Variants in ACSBG1 observed in about 807,000 individuals in gnomAD.
ACSBG1 encodes the protein long-chain-fatty-acid--CoA ligase ACSBG1.
Under a neutral mutation model 80.2 loss-of-function variants are expected in ACSBG1, and 39 were observed. The observed-to-expected ratio is 0.49, with a 90% CI of 0.38 to 0.64. The LOEUF (loss-of-function observed/expected upper bound fraction) is 0.64, where lower values mean the gene tolerates loss of function less well. Among genes scored for constraint, ACSBG1 ranks in the 30% least tolerant of loss-of-function variants. The pLI is 0.00. For missense variants in ACSBG1, 828 were observed against 966.4 expected (o/e 0.86, Z 1.90); for synonymous variants, 392 against 379.5 (o/e 1.03, Z -0.38).
rs28477078 is a variant in ACSBG1, at chr15:78,211,142, T to C, written c.132-3040A>G. 1.3e-3 allele frequency among the ~76,000 whole-genome samples: 204 copies of C among 152,372 alleles called. 1 individual carries two copies. The highest frequency in any genetic ancestry group is 4.8e-3 in the African/African-American group (200 of 41,598). ...GAAAAGAAGCTAAGGTTTGGGAAGCTGCCCCTACTCTGTCTTAACTCCTCA... is the reference window on the plus strand; with the variant it reads ...GAAAAGAAGCTAAGGTTTGGGAAGCCGCCCCTACTCTGTCTTAACTCCTCA... On this transcript the variant is annotated intron_variant, in intron 1 of 13. Transcript: ENST00000258873.
At chr15:78,227,218 CAAAAAAAAAAAA>C (rs56011241) in intron 1 of ACSBG1, among the ~76,000 whole-genome samples, 1 of 53,746 alleles carries the variant, frequency 1.9e-5, no homozygotes, top group Non-Finnish European at 3.4e-5. Flanking sequence ...GACCCTGTCT[CAAAAAAAAAAAA>C]AAAAAAAAAA....
In ACSBG1 at chr15:78,173,746, CTG is replaced by C. The variant is rs2074852828; in HGVS notation, c.1934_1935del (p.Thr645SerfsTer10). 2 of 1,614,218 alleles carry C rather than the reference CTG, an allele frequency of 1.2e-6. No individual in the cohort carries two copies. Among genetic ancestry groups the C allele is most frequent in the East Asian group, 2.2e-5 (1 of 44,886 alleles). ...FCQRVGSRAT[T>X]VSEIIEKKDE... Reference sequence around the variant, plus strand: ...TCCTTCTTCTCTATGATCTCGGACACTGTGGTGGCTCTGCTGCCCACCCTCTG... The same window carrying C: ...TCCTTCTTCTCTATGATCTCGGACACTGGTGGCTCTGCTGCCCACCCTCTG... On this transcript the variant is annotated frameshift_variant, in exon 13 of 14. Coordinates refer to ENST00000258873, the MANE Select transcript of ACSBG1 (RefSeq NM_015162.5). LOFTEE classifies it high-confidence loss of function.
chr15:78,220,309 A>G (rs148607440), intron 1 of ACSBG1, among the ~76,000 whole-genome samples: 1 of 152,374 alleles, frequency 6.6e-6, no homozygotes, highest in East Asian at 1.9e-4. Context: ...CTTTCCTCAT[A>G]TCACACACAA....
chr15:78,200,839 C>T (rs1304391034), intron 2 of ACSBG1, among the ~76,000 whole-genome samples: 1 of 152,182 alleles, frequency 6.6e-6, no homozygotes, highest in African/African-American at 2.4e-5. Context: ...GCTCAAAAGC[C>T]CCCGATGGCT....
rs114334626 is a variant in ACSBG1 at position 78,214,127 on chromosome 15, C to T, written c.132-6025G>A. On this transcript the variant is annotated intron_variant, in intron 1 of 13. Transcript: ENST00000258873. ...TGGTAACAAATATCCCTGCACCTTGCGCTGTGCCTTCTAATACCCCCTCCA... is the reference window on the plus strand; with the variant it reads ...TGGTAACAAATATCCCTGCACCTTGTGCTGTGCCTTCTAATACCCCCTCCA... 7.5e-3 allele frequency among the ~76,000 whole-genome samples: 1,149 copies of T among 152,290 alleles called. 22 individuals carry two copies. Among genetic ancestry groups the T allele is most frequent in the African/African-American group, 0.025 (1,044 of 41,554 alleles).
chr15:78,195,298 C>T (rs577437601), intron 2 of ACSBG1, among the ~76,000 whole-genome samples: 97 of 152,314 alleles, frequency 6.4e-4, no homozygotes, highest in Non-Finnish European at 1.2e-3. Flanking sequence ...GTCTTCACAG[C>T]ATGGGTTTGG....
intron 2 of ACSBG1, among the ~76,000 whole-genome samples, chr15:78,196,588 C>T (rs1212210175): frequency 2.0e-5 from 3 of 152,068 alleles, no homozygotes; most frequent in Non-Finnish European, 2.9e-5. Context: ...AACTACAGTA[C>T]GACCCAACAA....
At chr15:78,223,646 G>GT (rs1309831054) in intron 1 of ACSBG1, among the ~76,000 whole-genome samples, 2 of 152,302 alleles carry the variant, frequency 1.3e-5, no homozygotes, top group East Asian at 1.9e-4. Context: ...AGCCAGTGTG[G>GT]TAAGTTGAAA....
chr15:78,219,552 T>G (rs563774362), intron 1 of ACSBG1, among the ~76,000 whole-genome samples: 1 of 152,190 alleles, frequency 6.6e-6, no homozygotes, highest in Non-Finnish European at 1.5e-5. Flanking sequence ...TGGAAAGATA[T>G]CTCATGATCG....
intron 11 of ACSBG1, 191 bp from the exon 12 acceptor site, chr15:78,174,715 A>G (rs1360319851): frequency 3.2e-6 from 2 of 615,506 alleles, no homozygotes; most frequent in Non-Finnish European, 5.5e-6. Context: ...CAGCACCCCG[A>G]CGACAAATGC....
intron 1 of ACSBG1, among the ~76,000 whole-genome samples, chr15:78,221,190 A>G (rs1267593138): frequency 6.6e-6 from 1 of 152,148 alleles, no homozygotes; most frequent in Non-Finnish European, 1.5e-5. Context: ...TCAGCATGTG[A>G]GGACCTGCAC....
At chr15:78,204,001 C>T (rs1347692085) in intron 2 of ACSBG1, among the ~76,000 whole-genome samples, 1 of 152,176 alleles carries the variant, frequency 6.6e-6, no homozygotes, top group African/African-American at 2.4e-5. Flanking sequence ...GCCACATTGG[C>T]CCCAGGACAT....
At chr15:78,179,078 C>A in intron 10 of ACSBG1, 1 of 547,150 alleles carries the variant, frequency 1.8e-6, no homozygotes, top group South Asian at 2.3e-5. Flanking sequence ...GATAGGCTGG[C>A]AGGGAGAGGA....
At chr15:78,216,773 G>T (rs111432962) in intron 1 of ACSBG1, among the ~76,000 whole-genome samples, 1 of 152,296 alleles carries the variant, frequency 6.6e-6, no homozygotes, top group African/African-American at 2.4e-5. Context: ...AGCCCAGCCA[G>T]CTCACTTCTT....
intron 1 of ACSBG1, among the ~76,000 whole-genome samples, chr15:78,231,750 G>A (rs2075449005): frequency 1.3e-5 from 2 of 151,996 alleles, no homozygotes; most frequent in Non-Finnish European, 2.9e-5. Context: ...TATCATGCCT[G>A]GCCAATTTTT....
In ACSBG1 at chr15:78,182,210, T is replaced by C. The variant is rs1031458975; in HGVS notation, c.895-65A>G. ...CCAGCCCTGGCGGTGCTCACAACTGTGGCCACCCTGGGGGCCAGCCCCAGT... is the reference window on the plus strand; with the variant it reads ...CCAGCCCTGGCGGTGCTCACAACTGCGGCCACCCTGGGGGCCAGCCCCAGT... On this transcript the variant is annotated intron_variant, in intron 7 of 13. Transcript: ENST00000258873. The C allele has an allele frequency of 2.6e-6, 4 of 1,560,334 alleles. No homozygotes were observed. In the Admixed American group the frequency reaches 7.2e-5, roughly 28 times the overall value.
At chr15:78,225,974 T>A (rs1232786549) in intron 1 of ACSBG1, among the ~76,000 whole-genome samples, 5 of 152,172 alleles carry the variant, frequency 3.3e-5, no homozygotes, top group Non-Finnish European at 1.5e-5. Flanking sequence ...CTTTGTAGGT[T>A]GTTGTCAATT....
chr15:78,178,819 C>G lies in ACSBG1; in HGVS notation c.1497G>C (p.Leu499Phe). Residue 499 changes from leucine (L) to phenylalanine (F), a missense_variant, in exon 11 of 14, where the codon TTG (leucine) becomes TTC (phenylalanine). Coordinates refer to ENST00000258873, the MANE Select transcript of ACSBG1 (RefSeq NM_015162.5). This position sits in a 1 kb window ranked among gnomAD's most constrained non-coding sequence, Gnocchi z 4.3. ...CCAGCTTCACCCGACAGCCGGGCAC[C>G]AACTTGCCTGAGCTGGCGAGGGAGG... ...YNYRLYSSGK[L>F]VPGCRVKLVN... 3.1e-6 allele frequency: 5 copies of G among 1,612,152 alleles called. No homozygotes were observed. Among genetic ancestry groups the G allele is most frequent in the Non-Finnish European group, 4.2e-6 (5 of 1,179,844 alleles).
chr15:78,171,569 C>T, intron 13 of ACSBG1, 40 bp from the exon 14 acceptor site: 2 of 1,496,982 alleles, frequency 1.3e-6, no homozygotes, highest in South Asian at 1.1e-5. Context: ...GGCCCAGGCT[C>T]TGAGAACTCT....
Sources: allele counts gnomAD v4.1 joint callset (sites outside exome capture counted in the v4.1 genomes callset), GRCh38; gene constraint gnomAD v4.1.1; non-coding constraint Gnocchi (gnomAD v3.1); transcripts MANE v1.5; gene names NCBI Gene and HGNC (gene_info 2026-07-23, HGNC 2026-07-21).